Variants in CDK19 observed in about 807,000 individuals in gnomAD.
The protein encoded by CDK19 is cyclin-dependent kinase 19.
Under a neutral mutation model 68.3 loss-of-function variants are expected in CDK19, and 20 were observed. That is an observed-to-expected ratio of 0.29 (90% confidence interval 0.21 to 0.43). The LOEUF (loss-of-function observed/expected upper bound fraction) is 0.43. CDK19 is among the 20% of genes least tolerant of loss of function. The probability of loss-of-function intolerance (pLI) is 1.00; values close to 1 mark genes in which losing one functional copy is unlikely to be tolerated. For synonymous variants in CDK19, 221 were observed against 222.8 expected (o/e 0.99, Z 0.07); for missense variants, 339 against 623.5 (o/e 0.54, Z 4.86).
intron 5 of CDK19, among the ~76,000 whole-genome samples, chr6:110,634,375 G>T (rs923921388): frequency 2.0e-5 from 3 of 152,032 alleles, no homozygotes; most frequent in African/African-American, 7.2e-5. Context: ...CCACCACCAT[G>T]CCTGGCTAAT....
At chr6:110,624,059 G>C (rs1313775831) in intron 8 of CDK19, among the ~76,000 whole-genome samples, 2 of 151,624 alleles carry the variant, frequency 1.3e-5, no homozygotes, top group Non-Finnish European at 2.9e-5. Context: ...GGTTCAGTGA[G>C]GAGAAAAAGC....
chr6:110,664,338 G>A (rs1353217943), intron 4 of CDK19, among the ~76,000 whole-genome samples: 3 of 152,120 alleles, frequency 2.0e-5, no homozygotes, highest in African/African-American at 7.2e-5. Context: ...CCCCTACTCA[G>A]AAGCTCTTCT....
intron 2 of CDK19, among the ~76,000 whole-genome samples, chr6:110,701,386 CAAA>C (rs58069740): frequency 8.0e-6 from 1 of 124,554 alleles, no homozygotes; most frequent in Non-Finnish European, 1.7e-5. Context: ...ACTAAAAATA[CAAA>C]AAAAAAAAAA....
intron 4 of CDK19, among the ~76,000 whole-genome samples, chr6:110,653,152 T>C (rs1781081599): frequency 1.3e-5 from 2 of 152,176 alleles, no homozygotes; most frequent in South Asian, 4.1e-4. Flanking sequence ...ATAATCACCA[T>C]CAAAGTGTGT....
intron 2 of CDK19, among the ~76,000 whole-genome samples, chr6:110,676,291 T>C (rs1027431844): frequency 6.6e-5 from 10 of 151,924 alleles, no homozygotes; most frequent in African/African-American, 1.7e-4. Flanking sequence ...TTGCTTCTTA[T>C]GGATGGGCAA....
intron 1 of CDK19, among the ~76,000 whole-genome samples, chr6:110,810,287 T>C (rs1341561061): frequency 2.6e-5 from 4 of 152,074 alleles, no homozygotes; most frequent in African/African-American, 7.2e-5. Flanking sequence ...AGAGATGAGA[T>C]TGGATCTGAT....
intron 4 of CDK19, among the ~76,000 whole-genome samples, chr6:110,640,231 CAAAAAAA>C (rs59703376): frequency 2.4e-4 from 19 of 80,720 alleles, no homozygotes; most frequent in Admixed American, 5.2e-4. Context: ...GACCCTGTCA[CAAAAAAA>C]AAAAAAAAAA....
At chr6:110,774,188 T>A (rs1254224020) in intron 1 of CDK19, among the ~76,000 whole-genome samples, 1 of 152,186 alleles carries the variant, frequency 6.6e-6, no homozygotes, top group Non-Finnish European at 1.5e-5. Flanking sequence ...AAAGAACCAA[T>A]TTATACTATT....
At chr6:110,708,511 C>T (rs1774696470) in intron 2 of CDK19, among the ~76,000 whole-genome samples, 1 of 152,142 alleles carries the variant, frequency 6.6e-6, no homozygotes, top group Non-Finnish European at 1.5e-5. Flanking sequence ...TTGTTTCCAG[C>T]CCCAGCTCCC....
rs1405524950 is a variant in CDK19 at position 110,613,729 on chromosome 6, C to T, written c.*806G>A. On this transcript the variant is annotated 3_prime_UTR_variant, in exon 13 of 13. Coordinates refer to ENST00000368911, the MANE Select transcript of CDK19 (RefSeq NM_015076.5). ...TGTGGGCCATCGAGACTGTACAAAG[C>T]TCTTGAAACCCTTTTTAAGGTAGAC... 6.6e-6 allele frequency: 1 copy of T among 152,540 alleles called. No individual in the cohort carries two copies. Among genetic ancestry groups the T allele is most frequent in the Non-Finnish European group, 1.5e-5 (1 of 68,022 alleles). 9.4% of individuals were successfully genotyped at this position (152,540 alleles called of 1,614,324 possible).
intron 1 of CDK19, among the ~76,000 whole-genome samples, chr6:110,762,529 A>G (rs1023038575): frequency 1.3e-5 from 2 of 152,222 alleles, no homozygotes; most frequent in African/African-American, 4.8e-5. Context: ...CACAGCGAAT[A>G]GGTTACTTAT....
rs1290455860 is a variant in CDK19, at chr6:110,667,517, T to C, written c.373A>G (p.Arg125Gly). Reference protein sequence around the residue: ...KANKKPMQLPRSMVKSLLYQI... With the variant: ...KANKKPMQLPGSMVKSLLYQI... ...TAAAGTAAGGATTTAACCATAGATC[T>C]TGGCAACTGCATGGGCTTTTTATTT... The change falls in exon 4 of 13, where the codon AGA becomes GGA. Residue 125 changes from arginine to glycine, a missense_variant. By Grantham distance (125) the Arg-to-Gly change is moderately radical. This residue lies in a region of CDK19 where 120 missense variants were observed against 224.0 expected (regional missense o/e 0.54). Coordinates refer to ENST00000368911, the MANE Select transcript of CDK19 (RefSeq NM_015076.5). 6.3e-7 allele frequency: 1 copy of C among 1,593,786 alleles called. No individual in the cohort carries two copies. The highest frequency in any genetic ancestry group is 1.1e-5 in the South Asian group (1 of 87,854).
chr6:110,658,899 G>A (rs1781460770), intron 4 of CDK19, among the ~76,000 whole-genome samples: 1 of 152,152 alleles, frequency 6.6e-6, no homozygotes, highest in African/African-American at 2.4e-5. Flanking sequence ...AAGAAAATGA[G>A]ATATTCAGGA....
At chr6:110,689,465 C>T (rs1286739616) in intron 2 of CDK19, among the ~76,000 whole-genome samples, 3 of 152,196 alleles carry the variant, frequency 2.0e-5, no homozygotes, top group Admixed American at 2.0e-4. Context: ...CTCTTGCAAG[C>T]GTCACTTCCT....
intron 2 of CDK19, among the ~76,000 whole-genome samples, chr6:110,725,996 G>A (rs923908569): frequency 6.6e-6 from 1 of 151,152 alleles, no homozygotes; most frequent in African/African-American, 2.4e-5. Context: ...AATCCAACTT[G>A]TAAAACACGC....
intron 1 of CDK19, among the ~76,000 whole-genome samples, chr6:110,753,305 T>C (rs1270560697): frequency 6.6e-6 from 1 of 152,148 alleles, no homozygotes; most frequent in African/African-American, 2.4e-5. Flanking sequence ...GATAAATATT[T>C]AGTATTTTAA....
At chr6:110,785,709 G>A (rs553621920) in intron 1 of CDK19, among the ~76,000 whole-genome samples, 26 of 152,170 alleles carry the variant, frequency 1.7e-4, no homozygotes, top group African/African-American at 6.3e-4. Context: ...GGCCGGGCGC[G>A]GTGGCTCACA....
At chr6:110,651,003 G>A (rs1048863259) in intron 4 of CDK19, among the ~76,000 whole-genome samples, 1 of 152,096 alleles carries the variant, frequency 6.6e-6, no homozygotes, top group Non-Finnish European at 1.5e-5. Context: ...GAAAAACTTG[G>A]GTGAGCGAGC....
intron 2 of CDK19, among the ~76,000 whole-genome samples, chr6:110,692,227 G>A (rs568307349): frequency 6.6e-6 from 1 of 151,496 alleles, no homozygotes; most frequent in Non-Finnish European, 1.5e-5. Flanking sequence ...CCAGGAGGTG[G>A]AGGTTGCAGT....
Sources: gnomAD v4.1 joint callset for allele counts (sites outside exome capture counted in the v4.1 genomes callset) on GRCh38, gnomAD v4.1.1 for gene constraint, gnomAD v4.1.1 regional missense constraint, MANE v1.5 for transcripts, NCBI Gene and HGNC (gene_info 2026-07-23, HGNC 2026-07-21) for gene names.